The following COL28A1 variants were observed in gnomAD, a reference collection of about 807,000 sequenced individuals.
COL28A1 encodes the protein collagen alpha-1(XXVIII) chain.
A neutral mutation model predicts 150.2 loss-of-function variants in COL28A1; 161 were observed. That is an observed-to-expected ratio of 1.07 (90% CI 0.94 to 1.22). The LOEUF is 1.22. Ranked by LOEUF, COL28A1 falls within the 50% of genes most tolerant of loss-of-function variation. COL28A1 has a pLI of 0.00. For missense variants in COL28A1, 1,617 were observed against 1,388.3 expected, an observed-to-expected ratio of 1.16 and a Z score of -2.62; for synonymous variants, 552 against 469.7, an observed-to-expected ratio of 1.18 and a Z score of -2.26.
chr7:7,347,127 C>G, the COL28A1 span, among the ~76,000 whole-genome samples: 81 of 152,046 alleles, frequency 5.3e-4, 1 homozygote, highest in African/African-American at 1.9e-3. Flanking sequence ...AATGTCCACA[C>G]TAGCAAAAAA....
intron 10 of COL28A1, among the ~76,000 whole-genome samples, chr7:7,506,489 T>A (rs1038533909): frequency 6.6e-6 from 1 of 152,208 alleles, no homozygotes; most frequent in Non-Finnish European, 1.5e-5. Context: ...AGCAAAGAAG[T>A]TAGTGGTTAA....
At chr7:7,348,671 T>C in the COL28A1 span, among the ~76,000 whole-genome samples, 1 of 152,100 alleles carries the variant, frequency 6.6e-6, no homozygotes, top group East Asian at 1.9e-4. Flanking sequence ...TCGCTCTTCT[T>C]TTCTCATTTC....
chr7:7,527,707 A>G (rs1005113111), intron 3 of COL28A1, among the ~76,000 whole-genome samples: 1 of 152,236 alleles, frequency 6.6e-6, no homozygotes, highest in Non-Finnish European at 1.5e-5. Flanking sequence ...AGATGCAGTC[A>G]GAATTTCATT....
At chr7:7,515,099 C>T (rs1045035760) in intron 8 of COL28A1, among the ~76,000 whole-genome samples, 1 of 152,112 alleles carries the variant, frequency 6.6e-6, no homozygotes, top group African/African-American at 2.4e-5. Context: ...AAGGTTGTAG[C>T]CCTGTAGGAT....
intron 20 of COL28A1, among the ~76,000 whole-genome samples, chr7:7,442,237 A>T (rs968250159): frequency 6.6e-6 from 1 of 152,162 alleles, no homozygotes; most frequent in Non-Finnish European, 1.5e-5. Context: ...TTTCATCTTG[A>T]AATCCTTTCT....
chr7:7,530,006 GA>G (rs10706421), intron 3 of COL28A1, among the ~76,000 whole-genome samples: 143,072 of 152,130 alleles, frequency 0.94, 67,349 homozygotes, highest in East Asian at 1. Flanking sequence ...AATCCCCAAG[GA>G]AAAAAAGGCT....
intron 31 of COL28A1, among the ~76,000 whole-genome samples, chr7:7,374,139 A>T (rs1781421393): frequency 6.6e-6 from 1 of 151,574 alleles, no homozygotes; most frequent in African/African-American, 2.4e-5. Flanking sequence ...AAATATTTTT[A>T]AAAGAGTTAG....
In COL28A1 at chr7:7,521,960, C is replaced by T. The variant is rs750206320; in HGVS notation, c.704G>A (p.Cys235Tyr). ...DRLDILFEKK[C>Y]ERKICECEKG... is the part of the protein sequence containing the mutation. ...CTCACATTCACAAATCTTGCGTTCACACTGAATCAATAATGAAATATGATA... is the reference window on the plus strand; with the variant it reads ...CTCACATTCACAAATCTTGCGTTCATACTGAATCAATAATGAAATATGATA... Residue 235 changes from cysteine to tyrosine, a missense_variant and splice_region_variant, in exon 5 of 35, where the codon TGT (cysteine) becomes TAT (tyrosine). Coordinates refer to ENST00000399429, the MANE Select transcript of COL28A1 (RefSeq NM_001037763.3). 1.9e-6 allele frequency: 2 copies of T among 1,044,064 alleles called. No homozygotes were observed. The highest frequency in any genetic ancestry group is 1.3e-5 in the South Asian group (1 of 79,808). 64.7% of individuals were successfully genotyped at this position (1,044,064 alleles called of 1,614,324 possible).
At chr7:7,347,346 A>C in the COL28A1 span, among the ~76,000 whole-genome samples, 1 of 152,090 alleles carries the variant, frequency 6.6e-6, no homozygotes, top group Non-Finnish European at 1.5e-5. Context: ...AAATACCCAG[A>C]ACATAGCTCT....
Position 7,477,143 on chromosome 7 carries a change from C to T in COL28A1, c.1202G>A (p.Gly401Asp). The stretch of plus-strand genomic sequence containing the variant: ...TCCTGGAAATCCTTCTCCGGGTAAG[C>T]CCCTCTCTCCTGGTACTCCCTCAGG... ...RGPEGVPGER[G>D]LPGEGFPGPK... Residue 401 changes from glycine to aspartate, a missense_variant, in exon 14 of 35, where the codon GGC becomes GAC. Gly to Asp is a moderately conservative substitution (Grantham distance 94, BLOSUM62 -1). Coordinates refer to ENST00000399429, the MANE Select transcript of COL28A1 (RefSeq NM_001037763.3). The T allele has an allele frequency of 7.4e-7, 1 of 1,353,290 alleles. No individual in the cohort carries two copies. The highest frequency in any genetic ancestry group is 1.1e-6 in the Non-Finnish European group (1 of 941,574). The allele number at this position is 1,353,290 out of a possible 1,614,324, so 83.8% of individuals were successfully genotyped here. A position where few individuals can be genotyped will look rare whatever the true frequency, so the allele number is the denominator to read the frequency against.
intron 15 of COL28A1, 86 bp downstream of exon 15, chr7:7,474,515 T>A: frequency 1.5e-6 from 1 of 685,806 alleles, no homozygotes; most frequent in Non-Finnish European, 2.6e-6. Context: ...ATGGTTGTCA[T>A]GTATACAGTT....
chr7:7,399,576 CT>C (rs1783047952), intron 27 of COL28A1, among the ~76,000 whole-genome samples: 1 of 152,084 alleles, frequency 6.6e-6, no homozygotes, highest in Admixed American at 6.5e-5. Flanking sequence ...CTTGTTTAGC[CT>C]GGGTTCCTCT....
chr7:7,503,859 C>A (rs903537966), intron 11 of COL28A1, among the ~76,000 whole-genome samples: 1 of 152,150 alleles, frequency 6.6e-6, no homozygotes, highest in Non-Finnish European at 1.5e-5. Context: ...TCCGAGCGAT[C>A]CCCAACATTA....
intron 27 of COL28A1, among the ~76,000 whole-genome samples, chr7:7,387,622 C>G (rs1413312982): frequency 6.6e-6 from 1 of 151,860 alleles, no homozygotes; most frequent in Non-Finnish European, 1.5e-5. Context: ...AGTGATATAG[C>G]AAATGTGGTA....
intron 27 of COL28A1, among the ~76,000 whole-genome samples, chr7:7,408,009 T>C (rs1396481200): frequency 6.6e-6 from 1 of 152,054 alleles, no homozygotes; most frequent in African/African-American, 2.4e-5. Flanking sequence ...ACAACCAATA[T>C]CCTATTCTCT....
intron 1 of COL28A1, among the ~76,000 whole-genome samples, chr7:7,533,339 C>T (rs1011887377): frequency 2.0e-5 from 3 of 151,684 alleles, no homozygotes; most frequent in African/African-American, 7.3e-5. Context: ...TGATTCCTGA[C>T]AAATCTAGTA....
At position 7,452,407 on chromosome 7, in the gene COL28A1, A is replaced by G. The variant is rs771533095; in HGVS notation, c.1441-20T>C. On this transcript the variant is annotated intron_variant, in intron 17 of 34. Coordinates refer to ENST00000399429, the MANE Select transcript of COL28A1 (RefSeq NM_001037763.3). ...TTCTCCCTAGTAAGAAAAGAGTTTA[A>G]TACAGCAGCAAAGTGAAAATAATAT... is the stretch of plus-strand genomic sequence containing the variant. 52 of 1,581,402 alleles carry G rather than the reference A, an allele frequency of 3.3e-5. No homozygotes were observed. The highest frequency in any genetic ancestry group is 2.9e-4 in the Admixed American group (14 of 48,090).
At chr7:7,507,752 T>C (rs1408500390) in intron 9 of COL28A1, among the ~76,000 whole-genome samples, 6 of 152,192 alleles carry the variant, frequency 3.9e-5, no homozygotes, top group Non-Finnish European at 5.9e-5. Context: ...TGTTAACAAT[T>C]GACACACTTT....
chr7:7,386,814 G>A (rs1000686959), intron 27 of COL28A1, among the ~76,000 whole-genome samples: 2 of 152,194 alleles, frequency 1.3e-5, no homozygotes, highest in Non-Finnish European at 2.9e-5. Context: ...GTCTGTTTGT[G>A]CTGCTATAAC....
Sources: allele counts gnomAD v4.1 joint callset (sites outside exome capture counted in the v4.1 genomes callset), GRCh38; gene constraint gnomAD v4.1.1; transcripts MANE v1.5; gene names NCBI Gene and HGNC (gene_info 2026-07-23, HGNC 2026-07-21).